Variants in NLGN4X observed in about 807,000 individuals in gnomAD.
NLGN4X encodes the protein neuroligin-4, X-linked.
A neutral mutation model predicts 40.3 loss-of-function variants in NLGN4X; 3 were observed. That is an observed-to-expected ratio of 0.07 (90% confidence interval 0.03 to 0.19). The LOEUF (loss-of-function observed/expected upper bound fraction) is 0.19, where lower values mean the gene tolerates loss of function less well. Among genes scored for constraint, NLGN4X ranks in the 10% least tolerant of loss-of-function variants. The pLI, the probability that NLGN4X is intolerant of heterozygous loss-of-function variation, is 1.00. For synonymous variants in NLGN4X, 270 were observed against 306.8 expected (o/e 0.88, Z 1.25); for missense variants, 382 against 708.3 (o/e 0.54, Z 5.23).
At chrX:6,019,064 T>C (rs1018024907) in intron 3 of NLGN4X, among the ~76,000 whole-genome samples, 1 of 112,318 alleles carries the variant, frequency 8.9e-6, no homozygotes, top group South Asian at 3.6e-4. Context: ...AAATGCAGGG[T>C]GTACCTGCCA....
intron 2 of NLGN4X, among the ~76,000 whole-genome samples, chrX:6,048,175 TA>T (rs1332833798): frequency 8.9e-6 from 1 of 111,906 alleles, no homozygotes; most frequent in Non-Finnish European, 1.9e-5. Flanking sequence ...TCACTCACCT[TA>T]GAACTCTCTG....
rs1383891581 is a variant in NLGN4X, at chrX:5,973,632, C to T, written c.625+55648G>A. Among the ~76,000 whole-genome samples, 5 of 111,363 alleles carry T rather than the reference C, an allele frequency of 4.5e-5. No individual in the cohort carries two copies. In the East Asian group the frequency reaches 1.4e-3, roughly 32 times the overall value. ...GGTCAGGAGATGGAGACCATCCTGG[C>T]TACCACGGCGAAACCCCGTCTCTAC... On this transcript the variant is annotated intron_variant, in intron 3 of 5. Coordinates refer to ENST00000381095, the MANE Select transcript of NLGN4X (RefSeq NM_181332.3).
intron 2 of NLGN4X, among the ~76,000 whole-genome samples, chrX:6,148,902 G>A (rs1569266277): frequency 8.9e-6 from 1 of 111,870 alleles, no homozygotes; most frequent in African/African-American, 3.3e-5. Flanking sequence ...ACTTGTGGAT[G>A]GTACAAACAT....
At chrX:6,154,629 T>C (rs1048003857) in intron 1 of NLGN4X, among the ~76,000 whole-genome samples, 1 of 111,641 alleles carries the variant, frequency 9.0e-6, no homozygotes, top group African/African-American at 3.3e-5. Context: ...ATCTCTAAGA[T>C]AAAGAGGATA....
chrX:6,127,432 A>G (rs1014341150), intron 2 of NLGN4X, among the ~76,000 whole-genome samples: 2 of 112,140 alleles, frequency 1.8e-5, no homozygotes, highest in African/African-American at 6.5e-5. Context: ...AACATGGTGA[A>G]ACCCCATCTC....
chrX:5,926,414 C>T lies in NLGN4X; in HGVS notation c.626-17175G>A, dbSNP rs570002842. ...TTTTCAGATAGTATTGTTCTTTCTGCATATATTATCTGAAATTTTACTTGT... is the reference window on the plus strand; with the variant it reads ...TTTTCAGATAGTATTGTTCTTTCTGTATATATTATCTGAAATTTTACTTGT... On this transcript the variant is annotated intron_variant, in intron 3 of 5. Transcript: ENST00000381095. 1.2e-4 allele frequency among the ~76,000 whole-genome samples: 13 copies of T among 110,746 alleles called. No homozygotes were observed. In the South Asian group the frequency reaches 5.1e-3, roughly 43 times the overall value.
intron 3 of NLGN4X, among the ~76,000 whole-genome samples, chrX:5,952,900 T>G (rs2034363745): frequency 8.9e-6 from 1 of 111,849 alleles, no homozygotes; most frequent in Admixed American, 9.6e-5. Context: ...GAAAATCTGA[T>G]GAGCATCAAT....
intron 5 of NLGN4X, among the ~76,000 whole-genome samples, chrX:5,897,477 G>A (rs2031560436): frequency 1.8e-5 from 2 of 111,313 alleles, no homozygotes; most frequent in South Asian, 3.8e-4. Context: ...TTCCAAAAAC[G>A]GTCTCAATCT....
At chrX:6,103,458 G>T (rs760806056) in intron 2 of NLGN4X, among the ~76,000 whole-genome samples, 4 of 112,078 alleles carry the variant, frequency 3.6e-5, no homozygotes, top group Admixed American at 9.5e-5. Flanking sequence ...TTCAAAATAG[G>T]GTGAAAGGGA....
At chrX:6,031,401 T>G (rs748225077) in intron 2 of NLGN4X, among the ~76,000 whole-genome samples, 56 of 111,781 alleles carry the variant, frequency 5.0e-4, no homozygotes, top group African/African-American at 1.8e-3. Context: ...AGAGAGCTAC[T>G]TGAGACAGTG....
intron 1 of NLGN4X, chrX:6,187,676 C>T (rs17325953): frequency 0.036 from 4,089 of 112,184 alleles, 78 homozygotes; most frequent in Non-Finnish European, 0.051. Context: ...ATCTTCCTAT[C>T]CCCAGAGGCC....
chrX:5,934,914 T>G (rs995810554), intron 3 of NLGN4X, among the ~76,000 whole-genome samples: 1 of 112,048 alleles, frequency 8.9e-6, no homozygotes, highest in Admixed American at 9.5e-5. Flanking sequence ...AAAGAAATAA[T>G]CTGTCCAAGG....
chrX:6,225,866 GCAA>G (rs749425825), intron 1 of NLGN4X, among the ~76,000 whole-genome samples: 13 of 91,799 alleles, frequency 1.4e-4, no homozygotes, highest in Non-Finnish European at 2.1e-4. Flanking sequence ...TAAGATAAGA[GCAA>G]CAACAACAAC....
chrX:6,199,717 A>C (rs1452852533), intron 1 of NLGN4X, among the ~76,000 whole-genome samples: 1 of 111,844 alleles, frequency 8.9e-6, no homozygotes, highest in African/African-American at 3.2e-5. Flanking sequence ...TTTGACAAAA[A>C]TTTTCTATGA....
intron 1 of NLGN4X, among the ~76,000 whole-genome samples, chrX:6,209,170 G>T (rs181221765): frequency 8.9e-6 from 1 of 111,773 alleles, no homozygotes; most frequent in African/African-American, 3.2e-5. Flanking sequence ...CTAAGTGGGA[G>T]CTAAATAATG....
intron 3 of NLGN4X, among the ~76,000 whole-genome samples, chrX:6,009,543 G>C (rs2036193849): frequency 1.8e-5 from 2 of 112,393 alleles, no homozygotes; most frequent in Non-Finnish European, 3.8e-5. Flanking sequence ...TCAATGTACT[G>C]TCCCAGGCTC....
intron 3 of NLGN4X, among the ~76,000 whole-genome samples, chrX:5,925,891 T>TACAC: frequency 8.3e-5 from 1 of 12,069 alleles, no homozygotes; most frequent in African/African-American, 8.7e-4. Context: ...CATATATATA[T>TACAC]ATATATATAT....
At chrX:6,040,763 CTTATT>C (rs1237361440) in intron 2 of NLGN4X, among the ~76,000 whole-genome samples, 1 of 111,995 alleles carries the variant, frequency 8.9e-6, no homozygotes, top group African/African-American at 3.2e-5. Flanking sequence ...CCTAGCCTGT[CTTATT>C]TTATCTGGTT....
intron 3 of NLGN4X, among the ~76,000 whole-genome samples, chrX:5,911,024 A>G (rs940102965): frequency 1.8e-5 from 2 of 111,470 alleles, no homozygotes; most frequent in Non-Finnish European, 3.8e-5. Flanking sequence ...CTCCATCACT[A>G]TATCTTTGAC....
Sources: allele counts gnomAD v4.1 joint callset (sites outside exome capture counted in the v4.1 genomes callset), GRCh38; gene constraint gnomAD v4.1.1; transcripts MANE v1.5; gene names NCBI Gene and HGNC (gene_info 2026-07-23, HGNC 2026-07-21).